PCDH19: variants seen among roughly 807,000 people sequenced by gnomAD.
PCDH19 encodes the protein protocadherin-19.
A neutral mutation model predicts 46.2 loss-of-function variants in PCDH19; 6 were observed. The ratio of observed to expected loss-of-function variants is 0.13; its 90% confidence interval spans 0.07 to 0.26. The LOEUF (loss-of-function observed/expected upper bound fraction) is 0.26, where lower values mean the gene tolerates loss of function less well. Among genes scored for constraint, PCDH19 ranks in the 10% least tolerant of loss-of-function variants. PCDH19 has a pLI of 1.00. For missense variants in PCDH19, 740 were observed against 972.3 expected (o/e 0.76, Z 3.18); for synonymous variants, 481 against 415.7 (o/e 1.16, Z -1.91).
chrX:100,396,086 A>G (rs1271816809), intron 3 of PCDH19, among the ~76,000 whole-genome samples: 1 of 111,223 alleles, frequency 9.0e-6, no homozygotes, highest in African/African-American at 3.3e-5. Context: ...TATTTACCCA[A>G]ATCTGAGACA....
At chrX:100,381,196 A>G (rs780974720) in intron 3 of PCDH19, among the ~76,000 whole-genome samples, 4 of 112,177 alleles carry the variant, frequency 3.6e-5, no homozygotes, top group Non-Finnish European at 7.5e-5. Context: ...GTAGGTGACT[A>G]AACATGTAAT....
At chrX:100,347,513 C>A (rs1376407476) in intron 4 of PCDH19, among the ~76,000 whole-genome samples, 1 of 111,872 alleles carries the variant, frequency 8.9e-6, no homozygotes, top group African/African-American at 3.2e-5. Context: ...AATAAACTTT[C>A]CTCAAGCCAT....
At chrX:100,377,207 T>C (rs1173215820) in intron 3 of PCDH19, among the ~76,000 whole-genome samples, 1 of 112,073 alleles carries the variant, frequency 8.9e-6, no homozygotes, top group Admixed American at 9.5e-5. Context: ...CCTAAGAGTT[T>C]TCTACCAACT....
intron 3 of PCDH19, among the ~76,000 whole-genome samples, chrX:100,382,655 C>T (rs1433087118): frequency 8.9e-6 from 1 of 112,018 alleles, no homozygotes; most frequent in Admixed American, 9.5e-5. Flanking sequence ...TCCAGAGCTT[C>T]CTAGCTAATG....
intron 5 of PCDH19, among the ~76,000 whole-genome samples, chrX:100,309,255 T>TA (rs1925055259): frequency 1.8e-5 from 2 of 111,302 alleles, no homozygotes; most frequent in South Asian, 7.5e-4. Context: ...AATTGGAGAC[T>TA]ATTATTTTAA....
At chrX:100,379,367 G>A (rs1176212737) in intron 3 of PCDH19, among the ~76,000 whole-genome samples, 2 of 105,601 alleles carry the variant, frequency 1.9e-5, no homozygotes, top group African/African-American at 6.9e-5. Flanking sequence ...CCAGCTCTCA[G>A]GAACACAACT....
chrX:100,338,341 CAAAAAAAAAAA>C (rs1192568481), intron 5 of PCDH19, among the ~76,000 whole-genome samples: 2 of 36,029 alleles, frequency 5.6e-5, no homozygotes, highest in East Asian at 8.7e-4. Flanking sequence ...GACTCCGTCT[CAAAAAAAAAAA>C]AAAAAAAAAA....
At chrX:100,324,671 A>G (rs771892644) in intron 5 of PCDH19, among the ~76,000 whole-genome samples, 1 of 112,424 alleles carries the variant, frequency 8.9e-6, no homozygotes, top group African/African-American at 3.2e-5. Context: ...ACAAACCATT[A>G]GTCAAAAGAG....
At chrX:100,360,348 G>C (rs1926845006) in intron 3 of PCDH19, among the ~76,000 whole-genome samples, 1 of 112,191 alleles carries the variant, frequency 8.9e-6, no homozygotes, top group South Asian at 3.7e-4. Context: ...GACCATCTTG[G>C]AAACAGTGAA....
chrX:100,318,457 T>C (rs144412166), intron 5 of PCDH19, among the ~76,000 whole-genome samples: 18 of 112,119 alleles, frequency 1.6e-4, no homozygotes, highest in African/African-American at 4.9e-4. Context: ...CATTTGACCA[T>C]GTAGCCAACT....
chrX:100,380,351 T>C (rs1927514050), intron 3 of PCDH19, among the ~76,000 whole-genome samples: 1 of 111,656 alleles, frequency 9.0e-6, no homozygotes, highest in Non-Finnish European at 1.9e-5. Flanking sequence ...CCAGACTAGG[T>C]TGAGTTTCCC....
chrX:100,326,662 G>C (rs558741044), intron 5 of PCDH19, among the ~76,000 whole-genome samples: 23 of 111,603 alleles, frequency 2.1e-4, no homozygotes, highest in Non-Finnish European at 3.8e-4. Context: ...AAGTGCTCAA[G>C]AATATGTATA....
At chrX:100,333,152 A>G (rs1252299734) in intron 5 of PCDH19, among the ~76,000 whole-genome samples, 59 of 54,023 alleles carry the variant, frequency 1.1e-3, no homozygotes, top group African/African-American at 2.6e-3. Context: ...GAAGGAAGGA[A>G]GGAAGGAAGG....
intron 3 of PCDH19, among the ~76,000 whole-genome samples, chrX:100,357,035 A>G (rs1012391702): frequency 2.7e-5 from 3 of 111,663 alleles, no homozygotes; most frequent in Admixed American, 1.9e-4. Flanking sequence ...TTATTCATTT[A>G]TCTATCCAGT....
intron 5 of PCDH19, among the ~76,000 whole-genome samples, chrX:100,339,168 C>G (rs149688467): frequency 0.015 from 1,663 of 111,976 alleles, 26 homozygotes; most frequent in African/African-American, 0.051. Context: ...TCACTACATT[C>G]TTCATTCTGC....
chrX:100,341,481 A>C (rs1426084698), intron 5 of PCDH19, among the ~76,000 whole-genome samples: 1 of 111,965 alleles, frequency 8.9e-6, no homozygotes, highest in Non-Finnish European at 1.9e-5. Context: ...AAAGCTAACC[A>C]GTCTGATAGG....
At chrX:100,391,371 G>A (rs933767499) in intron 3 of PCDH19, among the ~76,000 whole-genome samples, 6 of 111,541 alleles carry the variant, frequency 5.4e-5, no homozygotes, top group Non-Finnish European at 1.1e-4. Context: ...GGCAGAACTC[G>A]CGTTGGACAG....
chrX:100,408,154 G>A lies in PCDH19; in HGVS notation c.444C>T (p.Ile148=), dbSNP rs770381945. 8.3e-6 allele frequency: 10 copies of A among 1,212,002 alleles called. No individual in the cohort carries two copies. Among genetic ancestry groups the A allele is most frequent in the Non-Finnish European group, 1.1e-5 (10 of 895,626 alleles). The part of the protein sequence containing the change: ...ISEAASPGTR[I]PLDSAYDPDS... ...CTGGATCGTAAGCGCTGTCCAGCGG[G>A]ATGCGCGTGCCAGGGCTGGCTGCCT... is the stretch of plus-strand genomic sequence containing the variant. The change falls in exon 1 of 6, where the codon ATC becomes ATT. Residue 148 remains isoleucine (I), a synonymous_variant. Coordinates refer to ENST00000373034, the MANE Select transcript of PCDH19 (RefSeq NM_001184880.2).
chrX:100,339,842 T>C (rs1926200913), intron 5 of PCDH19, among the ~76,000 whole-genome samples: 1 of 112,212 alleles, frequency 8.9e-6, no homozygotes, highest in African/African-American at 3.2e-5. Flanking sequence ...AAAATGAAGA[T>C]ACACACATGC....
Sources: gnomAD v4.1 joint callset for allele counts (sites outside exome capture counted in the v4.1 genomes callset) on GRCh38, gnomAD v4.1.1 for gene constraint, MANE v1.5 for transcripts, NCBI Gene and HGNC (gene_info 2026-07-23, HGNC 2026-07-21) for gene names.